Variants in CHRNA2 observed in about 807,000 individuals in gnomAD.
The protein encoded by CHRNA2 is cholinergic receptor nicotinic alpha 2 subunit.
In CHRNA2, 40 loss-of-function variants were observed where a neutral mutation model predicts 45.5. That is an observed-to-expected ratio of 0.88 (90% CI 0.68 to 1.15). The LOEUF (loss-of-function observed/expected upper bound fraction) is 1.15. Among genes scored for constraint, CHRNA2 ranks in the 50% most tolerant of loss-of-function variants. CHRNA2 has a pLI of 0.00. For synonymous variants in CHRNA2, 301 were observed against 296.7 expected, an observed-to-expected ratio of 1.01 and a Z score of -0.15; for missense variants, 655 against 701.7, an observed-to-expected ratio of 0.93 and a Z score of 0.75.
Position 27,461,757 on chromosome 8 carries a change from G to A in CHRNA2, c.1465-3C>T, listed in dbSNP as rs375469296. 18 of 1,613,960 alleles carry A rather than the reference G, an allele frequency of 1.1e-5. No homozygotes were observed. Among genetic ancestry groups the A allele is most frequent in the South Asian group, 3.3e-5 (3 of 91,086 alleles). ...ACATACTTCCAGTCCTCCTTCACCT[G>A]TGGGGAAGACAGCACACAGTGACAG... On this transcript the variant is annotated splice_polypyrimidine_tract_variant and splice_region_variant and intron_variant, in intron 6 of 6. Transcript: ENST00000407991.
chr8:27,462,777 A>T (rs567030443), intron 6 of CHRNA2, among the ~76,000 whole-genome samples: 1 of 152,186 alleles, frequency 6.6e-6, no homozygotes, highest in Non-Finnish European at 1.5e-5. Flanking sequence ...GGTGTGTAAC[A>T]TGCCACGTGC....
intron 5 of CHRNA2, among the ~76,000 whole-genome samples, chr8:27,465,115 G>C (rs1283983686): frequency 2.0e-5 from 3 of 152,160 alleles, no homozygotes; most frequent in Admixed American, 1.3e-4. Flanking sequence ...TGTGAATCAG[G>C]GGTATCGTGG....
chr8:27,466,408 A>G (rs563276191), intron 5 of CHRNA2, among the ~76,000 whole-genome samples: 18 of 151,238 alleles, frequency 1.2e-4, no homozygotes, highest in South Asian at 2.1e-4. Context: ...TTAAAATGCT[A>G]TTGTGCTCTG....
chr8:27,476,637 A>G (rs554678138), intron 1 of CHRNA2, among the ~76,000 whole-genome samples: 2 of 152,316 alleles, frequency 1.3e-5, no homozygotes, highest in South Asian at 4.1e-4. Context: ...TTCTACCTGG[A>G]GGATTTAGGA....
rs1812502459 is a variant in CHRNA2, at chr8:27,461,840, C to T, written c.1465-86G>A. ...CATTCACAGCCCCTGCACAGGCGGC[C>T]ACTGGGGGCAGCAGCAACTGCCCCA... On this transcript the variant is annotated intron_variant, in intron 6 of 6. Transcript: ENST00000407991. 3 of 1,594,560 alleles carry T rather than the reference C, an allele frequency of 1.9e-6. No individual in the cohort carries two copies. The South Asian group carries it at 3.3e-5, about 18-fold the overall frequency.
In CHRNA2 at chr8:27,464,068, G is replaced by C. The variant is rs961562969; in HGVS notation, c.450-75C>G. 1.9e-6 allele frequency: 3 copies of C among 1,572,300 alleles called. No individual in the cohort carries two copies. The African/African-American group carries it at 4.1e-5, about 21-fold the overall frequency. ...AGCCAGGCTACTCAGAGAGCTGGCA[G>C]CAGGGGAACCCGAAGAACCAAGTCA... On this transcript the variant is annotated intron_variant, in intron 5 of 6. Coordinates refer to ENST00000407991, the MANE Select transcript of CHRNA2 (RefSeq NM_000742.4).
chr8:27,464,123 T>G, intron 5 of CHRNA2, 130 bp from the exon 6 acceptor site: 2 of 1,009,562 alleles, frequency 2.0e-6, no homozygotes, highest in Admixed American at 4.0e-5. Context: ...GGTTTATTTA[T>G]GCAAGTGTGT....
At chr8:27,464,567 T>C (rs1019689907) in intron 5 of CHRNA2, among the ~76,000 whole-genome samples, 4 of 151,980 alleles carry the variant, frequency 2.6e-5, no homozygotes, top group African/African-American at 9.7e-5. Flanking sequence ...TGCTGCTGAT[T>C]GGCTGGGTGG....
Position 27,472,819 on chromosome 8 carries a change from A to G in CHRNA2, c.-136-1625T>C, listed in dbSNP as rs990484401. Among the ~76,000 whole-genome samples, 12 of 152,294 alleles carry G rather than the reference A, an allele frequency of 7.9e-5. 1 individual carries two copies. In the South Asian group the frequency reaches 2.5e-3, roughly 32 times the overall value. On this transcript the variant is annotated intron_variant, in intron 1 of 6. Transcript: ENST00000407991. ...TTTTATGATATTTGAATTTATCTCA[A>G]AAAAAGTTATTATTAAAAAATAAAC...
rs1370103246 is a variant in CHRNA2 at position 27,463,649 on chromosome 8, G to A, written c.794C>T (p.Pro265Leu). The A allele has an allele frequency of 1.1e-5, 17 of 1,614,050 alleles. No homozygotes were observed. The highest frequency in any genetic ancestry group is 2.2e-5 in the East Asian group (1 of 44,882). Residue 265 changes from proline to leucine, a missense_variant, in exon 6 of 7, where the codon CCG (proline) becomes CTG (leucine). By Grantham distance (98) the Pro-to-Leu change is moderately conservative. This residue lies in a region of CHRNA2 where 37 missense variants were observed against 66.8 expected (regional missense o/e 0.55). Transcript: ENST00000407991. The surrounding 1 kb of genome is among the most constrained non-coding windows in gnomAD (Gnocchi z 6.1). ...GATGAGGTTGATGGTGTAGAAGAGCGGCAGCCGCCGGATGACGAAGGCGTA... is the reference window on the plus strand; with the variant it reads ...GATGAGGTTGATGGTGTAGAAGAGCAGCAGCCGCCGGATGACGAAGGCGTA... ...VTYAFVIRRL[P>L]LFYTINLIIP... is the part of the protein sequence containing the mutation.
intron 6 of CHRNA2, 78 bp from the exon 7 acceptor site, chr8:27,461,832 C>T: frequency 6.2e-7 from 1 of 1,604,838 alleles, no homozygotes; most frequent in Non-Finnish European, 8.5e-7. Context: ...AGCCCCTGCA[C>T]AGGCGGCCAC....
chr8:27,463,637 G>T lies in CHRNA2; in HGVS notation c.806C>A (p.Thr269Asn), dbSNP rs1351606803. 6.2e-7 allele frequency: 1 copy of T among 1,614,070 alleles called. No homozygotes were observed. The highest frequency in any genetic ancestry group is 1.3e-5 in the African/African-American group (1 of 74,918). ...CAGGCAGGGGATGATGAGGTTGATG[G>T]TGTAGAAGAGCGGCAGCCGCCGGAT... The part of the protein sequence containing the change: ...FVIRRLPLFY[T>N]INLIIPCLLI... The change falls in exon 6 of 7, where the codon ACC becomes AAC. Residue 269 changes from threonine (T) to asparagine (N), a missense_variant. Transcript: ENST00000407991. This position sits in a 1 kb window ranked among gnomAD's most constrained non-coding sequence, Gnocchi z 6.1.
At chr8:27,477,408 A>T (rs1034831768) in intron 1 of CHRNA2, among the ~76,000 whole-genome samples, 2 of 152,218 alleles carry the variant, frequency 1.3e-5, no homozygotes, top group African/African-American at 4.8e-5. Context: ...TGCATTTTTT[A>T]AAAAGGAGAT....
chr8:27,465,563 C>T (rs1812672484), intron 5 of CHRNA2, among the ~76,000 whole-genome samples: 1 of 152,008 alleles, frequency 6.6e-6, no homozygotes, highest in South Asian at 2.1e-4. Context: ...TCCCAAGTAG[C>T]TGGGACTACA....
chr8:27,475,302 T>C (rs1453590288), intron 1 of CHRNA2: 1 of 152,316 alleles, frequency 6.6e-6, no homozygotes, highest in Admixed American at 6.5e-5. Context: ...AACTCCGGTA[T>C]CCAGCGACAG....
chr8:27,469,834 G>C lies in CHRNA2; in HGVS notation c.221C>G (p.Ala74Gly), dbSNP rs759595350. The change falls in exon 3 of 7, where the codon GCG (alanine) becomes GGG (glycine). Residue 74 changes from alanine (A) to glycine (G), a missense_variant. Ala to Gly is a moderately conservative substitution (Grantham distance 60, BLOSUM62 0). Transcript: ENST00000407991. ...GTCTGAAGTGTTGGGCACCGGGCGC[G>C]CCCAGCGGTTGTAGCCCCGGAAGAG... The part of the protein sequence containing the change: ...KHLFRGYNRW[A>G]RPVPNTSDVV... 15 of 1,614,052 alleles carry C rather than the reference G, an allele frequency of 9.3e-6. No homozygotes were observed. Among genetic ancestry groups the C allele is most frequent in the Non-Finnish European group, 1.2e-5 (14 of 1,180,048 alleles).
intron 1 of CHRNA2, among the ~76,000 whole-genome samples, chr8:27,471,981 C>T (rs982692230): frequency 3.3e-5 from 5 of 152,128 alleles, no homozygotes; most frequent in Non-Finnish European, 7.4e-5. Context: ...TTAAGTTGAT[C>T]GCCAATGGCC....
intron 1 of CHRNA2, among the ~76,000 whole-genome samples, chr8:27,472,992 T>C (rs150324057): frequency 5.9e-5 from 9 of 152,306 alleles, no homozygotes; most frequent in African/African-American, 2.2e-4. Context: ...ATGTTTCATA[T>C]GAAATGAATG....
chr8:27,465,942 G>A (rs991687411), intron 5 of CHRNA2, among the ~76,000 whole-genome samples: 1 of 152,126 alleles, frequency 6.6e-6, no homozygotes, highest in African/African-American at 2.4e-5. Flanking sequence ...TAATAAATCA[G>A]GTAACACCGG....
Sources: gnomAD v4.1 joint callset for allele counts (sites outside exome capture counted in the v4.1 genomes callset) on GRCh38, gnomAD v4.1.1 for gene constraint, gnomAD v4.1.1 regional missense constraint, Gnocchi (gnomAD v3.1) non-coding constraint, MANE v1.5 for transcripts, NCBI Gene and HGNC (gene_info 2026-07-23, HGNC 2026-07-21) for gene names.